The following BMPR1B variants were observed in gnomAD, a reference collection of about 807,000 sequenced individuals.
BMPR1B encodes bone morphogenetic protein receptor type 1B.
In BMPR1B, 12 loss-of-function variants were observed where a neutral mutation model predicts 59.1. The ratio of observed to expected loss-of-function variants is 0.20; its 90% CI spans 0.13 to 0.33. The LOEUF (loss-of-function observed/expected upper bound fraction) is 0.33, where lower values mean the gene tolerates loss of function less well. Among genes scored for constraint, BMPR1B ranks in the 10% least tolerant of loss-of-function variants. The pLI, the probability that BMPR1B is intolerant of heterozygous loss-of-function variation, is 1.00. For synonymous variants in BMPR1B, 237 were observed against 207.3 expected (o/e 1.14, Z -1.23); for missense variants, 550 against 610.9 (o/e 0.90, Z 1.05).
intron 1 of BMPR1B, among the ~76,000 whole-genome samples, chr4:94,789,137 A>C (rs1174758283): frequency 6.6e-6 from 1 of 152,194 alleles, no homozygotes; most frequent in African/African-American, 2.4e-5. Context: ...CATGCATATT[A>C]AAGTCCAATT....
chr4:94,900,899 A>G (rs1404794655), intron 2 of BMPR1B, among the ~76,000 whole-genome samples: 1 of 152,016 alleles, frequency 6.6e-6, no homozygotes, highest in Non-Finnish European at 1.5e-5. Context: ...TGAAAACAAA[A>G]AGCACCAAAT....
intron 2 of BMPR1B, among the ~76,000 whole-genome samples, chr4:94,929,205 C>A (rs1416714072): frequency 6.6e-6 from 1 of 152,042 alleles, no homozygotes; most frequent in Non-Finnish European, 1.5e-5. Flanking sequence ...TCAAAGCCGT[C>A]GTTAAACATT....
chr4:94,841,494 C>G (rs546299356), intron 1 of BMPR1B, among the ~76,000 whole-genome samples: 1 of 152,300 alleles, frequency 6.6e-6, no homozygotes, highest in African/African-American at 2.4e-5. Flanking sequence ...GTCGGAAAAG[C>G]GCAGTATTTG....
intron 2 of BMPR1B, among the ~76,000 whole-genome samples, chr4:94,949,759 A>G (rs1410501240): frequency 6.6e-6 from 1 of 152,200 alleles, no homozygotes. Flanking sequence ...ATACGTGTGC[A>G]TGTGTCTTTA....
chr4:94,896,488 G>A (rs1727590657), intron 2 of BMPR1B, among the ~76,000 whole-genome samples: 1 of 151,872 alleles, frequency 6.6e-6, no homozygotes, highest in African/African-American at 2.4e-5. Context: ...AGTTAATTAT[G>A]TAATTTCTTT....
At chr4:94,945,668 C>G (rs1439912414) in intron 2 of BMPR1B, among the ~76,000 whole-genome samples, 1 of 152,184 alleles carries the variant, frequency 6.6e-6, no homozygotes, top group African/African-American at 2.4e-5. Flanking sequence ...ATCCTAGGCT[C>G]AAGCAATCCT....
At chr4:95,007,257 T>C (rs1722910603) in intron 3 of BMPR1B, among the ~76,000 whole-genome samples, 2 of 152,306 alleles carry the variant, frequency 1.3e-5, no homozygotes, top group South Asian at 4.1e-4. Flanking sequence ...TAATAGACTT[T>C]TTCATTAGTA....
intron 2 of BMPR1B, among the ~76,000 whole-genome samples, chr4:94,918,062 T>C (rs892046458): frequency 1.1e-4 from 16 of 152,112 alleles, no homozygotes; most frequent in Non-Finnish European, 2.4e-4. Flanking sequence ...GAGGCCTCCC[T>C]AGAAGCCTTT....
chr4:94,899,136 C>G (rs1296571097), intron 2 of BMPR1B, among the ~76,000 whole-genome samples: 2 of 151,956 alleles, frequency 1.3e-5, no homozygotes, highest in Non-Finnish European at 2.9e-5. Flanking sequence ...CTCTTCCTCT[C>G]TGGTCACATT....
At position 94,856,580 on chromosome 4, in the gene BMPR1B, C is replaced by G. The variant is rs568228210; in HGVS notation, c.-182-19251C>G. The stretch of plus-strand genomic sequence containing the variant: ...GAAGGTCCTGCTGCAGTCCAGAAGA[C>G]CAGCTTTAAATGAATGTATCACAGT... On this transcript the variant is annotated intron_variant, in intron 1 of 12. Transcript: ENST00000515059. Among the ~76,000 whole-genome samples, 255 of 152,294 alleles carry G rather than the reference C, an allele frequency of 1.7e-3. 1 individual carries two copies. The highest frequency in any genetic ancestry group is 6.0e-3 in the African/African-American group (249 of 41,564).
At chr4:95,070,116 A>G (rs987639346) in intron 3 of BMPR1B, among the ~76,000 whole-genome samples, 22 of 151,230 alleles carry the variant, frequency 1.5e-4, no homozygotes, top group Non-Finnish European at 3.1e-4. Context: ...ACAAAACAAA[A>G]CAAACAAACA....
intron 2 of BMPR1B, among the ~76,000 whole-genome samples, chr4:94,952,602 T>C (rs1476540732): frequency 6.6e-6 from 1 of 152,236 alleles, no homozygotes; most frequent in Non-Finnish European, 1.5e-5. Flanking sequence ...AGTTCTAATT[T>C]GATCGCAATG....
intron 3 of BMPR1B, among the ~76,000 whole-genome samples, chr4:95,066,272 T>C (rs1480262954): frequency 6.6e-6 from 1 of 152,208 alleles, no homozygotes; most frequent in African/African-American, 2.4e-5. Flanking sequence ...GGAAATTGCC[T>C]GTACTGACAA....
In BMPR1B at chr4:95,137,402, A is replaced by T. The variant is rs112599499; in HGVS notation, c.1076+5890A>T. 5.3e-5 allele frequency among the ~76,000 whole-genome samples: 8 copies of T among 152,236 alleles called. 1 individual carries two copies. Among genetic ancestry groups the T allele is most frequent in the African/African-American group, 1.9e-4 (8 of 41,526 alleles). On this transcript the variant is annotated intron_variant, in intron 10 of 12. Transcript: ENST00000515059. ...TATATTCTGTTGATTTGGGGTGGAG[A>T]GTTCTGTAGATGTCTATTAGGTCTG...
At chr4:95,151,698 T>C (rs1427552813) in intron 11 of BMPR1B, among the ~76,000 whole-genome samples, 1 of 152,114 alleles carries the variant, frequency 6.6e-6, no homozygotes, top group African/African-American at 2.4e-5. Context: ...AAGCCCCCAG[T>C]GAATTTAACG....
At chr4:94,839,000 C>T (rs2148932080) in intron 1 of BMPR1B, among the ~76,000 whole-genome samples, 1 of 123,512 alleles carries the variant, frequency 8.1e-6, no homozygotes, top group East Asian at 2.1e-4. Flanking sequence ...TTTATTTCTG[C>T]CTTCATTTCG....
intron 2 of BMPR1B, among the ~76,000 whole-genome samples, chr4:94,915,095 C>G (rs1265082207): frequency 6.6e-6 from 1 of 152,116 alleles, no homozygotes; most frequent in Non-Finnish European, 1.5e-5. Context: ...ATGACCTCCT[C>G]AACCTTGACA....
chr4:94,915,842 G>A (rs1283788423), intron 2 of BMPR1B, among the ~76,000 whole-genome samples: 1 of 152,186 alleles, frequency 6.6e-6, no homozygotes, highest in African/African-American at 2.4e-5. Flanking sequence ...TGGAGGCTGG[G>A]CCTAGTGGGA....
chr4:94,767,441 C>T (rs987073569), intron 1 of BMPR1B, among the ~76,000 whole-genome samples: 2 of 152,268 alleles, frequency 1.3e-5, no homozygotes, highest in African/African-American at 2.4e-5. Flanking sequence ...ACTTTGTGTA[C>T]TTCATACATA....
Sources: gnomAD v4.1 joint callset for allele counts (sites outside exome capture counted in the v4.1 genomes callset) on GRCh38, gnomAD v4.1.1 for gene constraint, MANE v1.5 for transcripts, NCBI Gene and HGNC (gene_info 2026-07-23, HGNC 2026-07-21) for gene names.